Variants in USP31 observed in about 807,000 individuals in gnomAD.
USP31 encodes the protein ubiquitin carboxyl-terminal hydrolase 31.
In USP31, 44 loss-of-function variants were observed where a neutral mutation model predicts 119.4. The observed-to-expected ratio is 0.37, with a 90% CI of 0.29 to 0.47. USP31 has a LOEUF of 0.47. Among genes scored for constraint, USP31 ranks in the 20% least tolerant of loss-of-function variants. The pLI is 0.99. For synonymous variants in USP31, 749 were observed against 705.6 expected (o/e 1.06, Z -0.97); for missense variants, 1,643 against 1,730.2 (o/e 0.95, Z 0.89).
intron 10 of USP31, among the ~76,000 whole-genome samples, chr16:23,085,299 T>C (rs910009636): frequency 6.6e-5 from 10 of 152,224 alleles, no homozygotes; most frequent in Non-Finnish European, 1.3e-4. Context: ...CTAGAATTAA[T>C]GGGCCTGTAA....
chr16:23,099,444 T>C (rs1451424989), intron 6 of USP31, among the ~76,000 whole-genome samples: 1 of 152,192 alleles, frequency 6.6e-6, no homozygotes, highest in Non-Finnish European at 1.5e-5. Context: ...AGAATTACCA[T>C]TTGACCCAGC....
rs1362419080 is a variant in USP31 at position 23,087,149 on chromosome 16, CCAA to C, written c.1562_1564del (p.Val521del). On this transcript the variant is annotated inframe_deletion, in exon 9 of 16. Transcript: ENST00000219689. ...CTCCTGGGGCAGCAAATATGTTATTCCAACAACACTGACCACACGCAAGCTGAA... is the reference window on the plus strand; with the variant it reads ...CTCCTGGGGCAGCAAATATGTTATTCCAACACTGACCACACGCAAGCTGAA... The C allele has an allele frequency of 3.1e-6, 5 of 1,613,618 alleles. No individual in the cohort carries two copies. The Middle Eastern group carries it at 6.6e-4, about 212-fold the overall frequency.
At chr16:23,090,379 C>T (rs1329800732) in intron 7 of USP31, among the ~76,000 whole-genome samples, 2 of 151,980 alleles carry the variant, frequency 1.3e-5, no homozygotes, top group African/African-American at 4.8e-5. Flanking sequence ...CAGCGAGACT[C>T]CATATCAAAA....
intron 6 of USP31, among the ~76,000 whole-genome samples, chr16:23,100,628 C>A (rs1489863339): frequency 1.3e-5 from 2 of 152,104 alleles, no homozygotes; most frequent in Non-Finnish European, 2.9e-5. Context: ...TAAAAATTAG[C>A]CAGGTGTGGT....
At chr16:23,074,962 C>T (rs1413677430) in intron 13 of USP31, among the ~76,000 whole-genome samples, 1 of 152,098 alleles carries the variant, frequency 6.6e-6, no homozygotes, top group Non-Finnish European at 1.5e-5. Context: ...CTCAGGATGG[C>T]CCCAGGGATG....
At position 23,073,830 on chromosome 16, in the gene USP31, C is replaced by A; in HGVS notation, c.2227G>T (p.Asp743Tyr). Residue 743 changes from aspartate to tyrosine, a missense_variant, in exon 14 of 16, where the codon GAT (aspartate) becomes TAT (tyrosine). Physicochemically the swap from Asp to Tyr is radical, Grantham distance 160. Around this residue, in one of 5 missense-constraint regions of USP31, gnomAD observed 279 missense variants for 372.2 expected, o/e 0.75. Coordinates refer to ENST00000219689, the MANE Select transcript of USP31 (RefSeq NM_020718.4). ...TCATCTTCTGACAGCTGCTGCACAT[C>A]GCTGTCATCGAAGCAGTACCAGAGG... ...DGLWYCFDDS[D>Y]VQQLSEDEVC... The A allele has an allele frequency of 6.2e-7, 1 of 1,614,130 alleles. No individual in the cohort carries two copies. Among genetic ancestry groups the A allele is most frequent in the Non-Finnish European group, 8.5e-7 (1 of 1,180,028 alleles).
In USP31 at chr16:23,067,810, C is replaced by A; in HGVS notation, c.*236G>T. 1 of 458,470 alleles carries A rather than the reference C, an allele frequency of 2.2e-6. No homozygotes were observed. The highest frequency in any genetic ancestry group is 3.8e-6 in the Non-Finnish European group (1 of 264,116). 28.4% of individuals were successfully genotyped at this position (458,470 alleles called of 1,614,324 possible). On this transcript the variant is annotated 3_prime_UTR_variant, in exon 16 of 16. Coordinates refer to ENST00000219689, the MANE Select transcript of USP31 (RefSeq NM_020718.4). The stretch of plus-strand genomic sequence containing the variant: ...TATCGTCTACAATTATTCCAGTTAG[C>A]TTGGTGTCAATGTTTTGCCTATGGC...
At chr16:23,102,143 CT>C (rs1299129007) in intron 6 of USP31, among the ~76,000 whole-genome samples, 175 bp downstream of exon 6, 1 of 151,982 alleles carries the variant, frequency 6.6e-6, no homozygotes, top group Admixed American at 6.6e-5. Context: ...GAGCTGCCTT[CT>C]TCTAGGAAAA....
At chr16:23,104,455 G>A (rs117474912) in intron 5 of USP31, among the ~76,000 whole-genome samples, 2,524 of 152,268 alleles carry the variant, frequency 0.017, 30 homozygotes, top group Non-Finnish European at 0.026. Flanking sequence ...CCGAAGCCTC[G>A]CTCCCTCCCT....
intron 11 of USP31, among the ~76,000 whole-genome samples, chr16:23,083,695 C>CGGGGGGGG (rs11311505): frequency 5.8e-4 from 22 of 37,898 alleles, no homozygotes; most frequent in Admixed American, 1.1e-3. Context: ...GCAAACCTGG[C>CGGGGGGGG]GGGGGGGGGG....
chr16:23,148,707 C>T lies in USP31; in HGVS notation c.564G>A (p.Glu188=). 2.0e-6 allele frequency: 3 copies of T among 1,491,532 alleles called. No homozygotes were observed. The highest frequency in any genetic ancestry group is 2.6e-5 in the South Asian group (2 of 77,514). The allele number at this position is 1,491,532 out of a possible 1,614,324, so 92.4% of individuals were successfully genotyped here. ...RGAQGQGEVT[E]QLAHLVRALW... is the part of the protein sequence containing the mutation. ...GGGCCCGCACCAGGTGCGCCAGCTG[C>T]TCAGTGACCTCGCCCTGGCCCTGCG... Residue 188 remains glutamate (E), a synonymous_variant, in exon 1 of 16, where the codon GAG becomes GAA. Transcript: ENST00000219689.
At chr16:23,105,692 A>C in intron 4 of USP31, 116 bp from the exon 5 acceptor site, 4 of 1,198,976 alleles carry the variant, frequency 3.3e-6, no homozygotes, top group Non-Finnish European at 4.3e-6. Context: ...CCACACTGTT[A>C]CTCGGAAGCC....
At position 23,064,171 on chromosome 16, in the gene USP31, A is replaced by C. The variant is rs1373479595; in HGVS notation, c.*3875T>G. On this transcript the variant is annotated 3_prime_UTR_variant, in exon 16 of 16. Transcript: ENST00000219689. ...CTTATGACTTGCATACTATTTCAAAAATCCAACCCAGAAACACTAGTTAAA... is the reference window on the plus strand; with the variant it reads ...CTTATGACTTGCATACTATTTCAAACATCCAACCCAGAAACACTAGTTAAA... 1 of 152,646 alleles carries C rather than the reference A, an allele frequency of 6.6e-6. No individual in the cohort carries two copies. The highest frequency in any genetic ancestry group is 2.4e-5 in the African/African-American group (1 of 41,462). 9.5% of individuals were successfully genotyped at this position (152,646 alleles called of 1,614,324 possible).
chr16:23,105,248 A>G (rs985683734), intron 5 of USP31, among the ~76,000 whole-genome samples, 193 bp downstream of exon 5: 5 of 152,228 alleles, frequency 3.3e-5, no homozygotes, highest in Non-Finnish European at 1.5e-5. Flanking sequence ...TATATACACA[A>G]TTAAATGAAA....
chr16:23,066,659 TA>T lies in USP31; in HGVS notation c.*1386del, dbSNP rs948157007. On this transcript the variant is annotated 3_prime_UTR_variant, in exon 16 of 16. Transcript: ENST00000219689. Reference sequence around the variant, plus strand: ...TCAAGACCTTCACTCTCTTGACATTTAAAAAAAAAAGAAAAGCTAAAAATTG... The same window carrying T: ...TCAAGACCTTCACTCTCTTGACATTTAAAAAAAAAGAAAAGCTAAAAATTG... 15 of 148,860 alleles carry T rather than the reference TA, an allele frequency of 1.0e-4. No homozygotes were observed. The highest frequency in any genetic ancestry group is 2.1e-4 in the South Asian group (1 of 4,680). 9.2% of individuals were successfully genotyped at this position (148,860 alleles called of 1,614,324 possible).
intron 1 of USP31, among the ~76,000 whole-genome samples, chr16:23,112,950 C>T (rs892506915): frequency 2.6e-5 from 4 of 151,848 alleles, no homozygotes; most frequent in African/African-American, 9.7e-5. Flanking sequence ...ATCGCTTGAA[C>T]CTGGGAGGTG....
intron 1 of USP31, among the ~76,000 whole-genome samples, chr16:23,114,905 C>G (rs1015268386): frequency 5.9e-5 from 9 of 152,214 alleles, no homozygotes; most frequent in Admixed American, 5.2e-4. Flanking sequence ...CTTATTCCCA[C>G]TGCAGATACT....
intron 4 of USP31, 88 bp downstream of exon 4, chr16:23,106,125 A>C: frequency 7.5e-7 from 1 of 1,334,618 alleles, no homozygotes; most frequent in Non-Finnish European, 1.0e-6. Flanking sequence ...TACCTGTCTA[A>C]ATAAGTAAGA....
rs1901564306 is a variant in USP31, at chr16:23,095,490, A to G, written c.1235-4686T>C. 2.6e-5 allele frequency among the ~76,000 whole-genome samples: 4 copies of G among 152,354 alleles called. No homozygotes were observed. The South Asian group carries it at 8.3e-4, about 32-fold the overall frequency. On this transcript the variant is annotated intron_variant, in intron 6 of 15. Coordinates refer to ENST00000219689, the MANE Select transcript of USP31 (RefSeq NM_020718.4). ...AGGCCAACATTCAAATTCAGGAAAT[A>G]TAGAGAACACCACAAAGATACTCCT... is the stretch of plus-strand genomic sequence containing the variant.
Sources: gnomAD v4.1 joint callset for allele counts (sites outside exome capture counted in the v4.1 genomes callset) on GRCh38, gnomAD v4.1.1 for gene constraint, gnomAD v4.1.1 regional missense constraint, MANE v1.5 for transcripts, NCBI Gene and HGNC (gene_info 2026-07-23, HGNC 2026-07-21) for gene names.